The following RGS7 variants were observed in gnomAD, a reference collection of about 807,000 sequenced individuals.
RGS7 encodes the protein regulator of G-protein signaling 7.
In RGS7, 27 loss-of-function variants were observed where a neutral mutation model predicts 81.1. The ratio of observed to expected loss-of-function variants is 0.33; its 90% CI spans 0.25 to 0.46. The LOEUF is 0.46. Among genes scored for constraint, RGS7 ranks in the 20% least tolerant of loss-of-function variants. The probability of loss-of-function intolerance (pLI) is 1.00; values close to 1 mark genes in which losing one functional copy is unlikely to be tolerated. For missense variants in RGS7, 396 were observed against 607.4 expected (o/e 0.65, Z 3.66); for synonymous variants, 208 against 207.7 (o/e 1.00, Z -0.01).
intron 4 of RGS7, among the ~76,000 whole-genome samples, chr1:240,976,767 C>T (rs1389451028): frequency 1.4e-5 from 2 of 147,054 alleles, no homozygotes; most frequent in Admixed American, 1.4e-4. Context: ...ATCTATCTAT[C>T]TATCATCGAT....
chr1:241,246,824 G>C (rs1184401264), intron 2 of RGS7, among the ~76,000 whole-genome samples: 1 of 151,956 alleles, frequency 6.6e-6, no homozygotes, highest in African/African-American at 2.4e-5. Flanking sequence ...GAAACATCAT[G>C]GGGGAGAGCA....
chr1:241,155,577 G>GAAAAAAAAA (rs58091813), intron 2 of RGS7, among the ~76,000 whole-genome samples: 3 of 116,570 alleles, frequency 2.6e-5, no homozygotes, highest in Non-Finnish European at 3.7e-5. Context: ...TTGAAAAAAA[G>GAAAAAAAAA]AAAAAAAAAA....
rs1687883841 is a variant in RGS7 at position 240,800,694 on chromosome 1, G to A, written c.1441C>T (p.His481Tyr). ...CTCAGTGTTGGTGTACAGTTTTTAT[G>A]GCATGGGAAAATAGGGATGTTTCTG... is the stretch of plus-strand genomic sequence containing the variant. ...VGRNIPIFPC[H>Y]KNCTPTLRAS... Residue 481 changes from histidine to tyrosine, a missense_variant, in exon 18 of 19, where the codon CAT becomes TAT. By Grantham distance (83) the His-to-Tyr change is moderately conservative. Transcript: ENST00000440928. The A allele has an allele frequency of 1.3e-6, 2 of 1,547,044 alleles. No individual in the cohort carries two copies. The highest frequency in any genetic ancestry group is 2.0e-5 in the Admixed American group (1 of 50,848).
At chr1:241,113,949 G>T (rs2065708177) in intron 2 of RGS7, among the ~76,000 whole-genome samples, 1 of 152,118 alleles carries the variant, frequency 6.6e-6, no homozygotes, top group Admixed American at 6.5e-5. Flanking sequence ...ATGTGTACAT[G>T]TCTTATTTCT....
intron 2 of RGS7, among the ~76,000 whole-genome samples, chr1:241,153,704 A>G (rs772888070): frequency 9.2e-5 from 14 of 152,230 alleles, no homozygotes; most frequent in Non-Finnish European, 1.8e-4. Flanking sequence ...TAATGGTGGA[A>G]ACCTGATCTC....
intron 6 of RGS7, among the ~76,000 whole-genome samples, chr1:240,929,127 A>G (rs1674975101): frequency 6.6e-6 from 1 of 152,216 alleles, no homozygotes; most frequent in Non-Finnish European, 1.5e-5. Flanking sequence ...TTGCACGCCT[A>G]AAGTCACACA....
chr1:241,297,332 C>T (rs971049131), intron 2 of RGS7, among the ~76,000 whole-genome samples: 1 of 152,122 alleles, frequency 6.6e-6, no homozygotes, highest in African/African-American at 2.4e-5. Context: ...GGTGAGTAGA[C>T]TGAATATGAA....
At chr1:241,098,846 C>A in intron 2 of RGS7, 84 bp from the exon 3 acceptor site, 1 of 958,488 alleles carries the variant, frequency 1.0e-6, no homozygotes, top group East Asian at 2.6e-5. Context: ...TTTTGTATTC[C>A]TGTTTTGCCC....
chr1:241,140,862 A>C (rs1307055150), intron 2 of RGS7, among the ~76,000 whole-genome samples: 14 of 152,188 alleles, frequency 9.2e-5, no homozygotes, highest in Admixed American at 9.2e-4. Context: ...ATTAACTTAA[A>C]GTAGTTTCTT....
intron 4 of RGS7, among the ~76,000 whole-genome samples, chr1:240,956,650 T>C (rs942754584): frequency 1.3e-5 from 2 of 152,184 alleles, no homozygotes; most frequent in Non-Finnish European, 1.5e-5. Context: ...GTCATGTTTA[T>C]AGTGTACACA....
intron 2 of RGS7, among the ~76,000 whole-genome samples, chr1:241,217,173 C>A (rs1463570040): frequency 1.3e-5 from 2 of 152,064 alleles, no homozygotes; most frequent in African/African-American, 4.8e-5. Context: ...TAGGAAGAGC[C>A]ACTGAGCTTG....
At chr1:241,113,045 T>C (rs1241935273) in intron 2 of RGS7, among the ~76,000 whole-genome samples, 2 of 152,160 alleles carry the variant, frequency 1.3e-5, no homozygotes, top group Non-Finnish European at 2.9e-5. Context: ...GAAATTAGGA[T>C]GAATGGTGGA....
chr1:241,010,644 T>C (rs550676339), intron 3 of RGS7, among the ~76,000 whole-genome samples: 191 of 152,360 alleles, frequency 1.3e-3, no homozygotes, highest in African/African-American at 4.4e-3. Context: ...GCATAACTTC[T>C]CAGCTAAAAA....
chr1:240,944,817 G>A (rs1678322069), intron 4 of RGS7, among the ~76,000 whole-genome samples: 1 of 152,188 alleles, frequency 6.6e-6, no homozygotes, highest in South Asian at 2.1e-4. Context: ...AGGTTCAAGC[G>A]ATTCTCCTGC....
intron 2 of RGS7, among the ~76,000 whole-genome samples, chr1:241,154,624 G>A (rs2068985472): frequency 6.6e-6 from 1 of 152,212 alleles, no homozygotes; most frequent in African/African-American, 2.4e-5. Flanking sequence ...ACTGGCCAGA[G>A]GTCATTAAAA....
chr1:241,295,706 G>A (rs1176885228), intron 2 of RGS7, among the ~76,000 whole-genome samples: 3 of 152,168 alleles, frequency 2.0e-5, no homozygotes, highest in African/African-American at 7.2e-5. Context: ...GCTGTTGTTG[G>A]AGCTGTCTTT....
At chr1:241,179,269 G>A (rs1215881581) in intron 2 of RGS7, among the ~76,000 whole-genome samples, 2 of 151,946 alleles carry the variant, frequency 1.3e-5, no homozygotes, top group Admixed American at 6.6e-5. Flanking sequence ...TAATTTTTTT[G>A]TGCATTTTAA....
At chr1:241,068,556 A>C (rs1307439865) in intron 3 of RGS7, among the ~76,000 whole-genome samples, 1 of 152,036 alleles carries the variant, frequency 6.6e-6, no homozygotes, top group Non-Finnish European at 1.5e-5. Flanking sequence ...CTGGGGAACC[A>C]GTCCAAGGTC....
chr1:241,161,446 A>G (rs1202294186), intron 2 of RGS7, among the ~76,000 whole-genome samples: 1 of 150,164 alleles, frequency 6.7e-6, no homozygotes, highest in East Asian at 1.9e-4. Context: ...ACTAATAATA[A>G]CTAATGGCAC....
Sources: gnomAD v4.1 joint callset for allele counts (sites outside exome capture counted in the v4.1 genomes callset) on GRCh38, gnomAD v4.1.1 for gene constraint, MANE v1.5 for transcripts, NCBI Gene and HGNC (gene_info 2026-07-23, HGNC 2026-07-21) for gene names.